The following SMG7 variants were observed in gnomAD, a reference collection of about 807,000 sequenced individuals.
The protein encoded by SMG7 is SMG7 nonsense mediated mRNA decay factor, also known as nonsense-mediated mRNA decay factor SMG7.
In SMG7, 34 loss-of-function variants were observed where a neutral mutation model predicts 148.2. The ratio of observed to expected loss-of-function variants is 0.23; its 90% CI spans 0.17 to 0.31. The LOEUF (loss-of-function observed/expected upper bound fraction) is 0.31, where lower values mean the gene tolerates loss of function less well. Ranked by LOEUF, SMG7 falls within the 10% of genes least tolerant of loss-of-function variation. The pLI is 1.00. For synonymous variants in SMG7, 492 were observed against 515.1 expected (o/e 0.96, Z 0.61); for missense variants, 1,114 against 1,408.4 (o/e 0.79, Z 3.35).
chr1:183,517,842 A>G (rs1265495384), intron 4 of SMG7, 22 bp downstream of exon 4: 2 of 1,612,582 alleles, frequency 1.2e-6, no homozygotes, highest in East Asian at 4.5e-5. Context: ...ATTGTATACC[A>G]GTTTTCTTAC....
At chr1:183,534,148 A>G (rs558475200) in intron 10 of SMG7, among the ~76,000 whole-genome samples, 166 of 152,064 alleles carry the variant, frequency 1.1e-3, no homozygotes, top group African/African-American at 3.8e-3. Context: ...TATCTATTAC[A>G]GTATTCCTTA....
intron 1 of SMG7, among the ~76,000 whole-genome samples, chr1:183,493,272 G>C (rs1174408088): frequency 6.6e-6 from 1 of 152,136 alleles, no homozygotes; most frequent in East Asian, 1.9e-4. Context: ...ACTACACCCG[G>C]CAACCTATGA....
At chr1:183,493,696 C>T (rs1347280784) in intron 1 of SMG7, among the ~76,000 whole-genome samples, 1 of 152,158 alleles carries the variant, frequency 6.6e-6, no homozygotes, top group East Asian at 1.9e-4. Flanking sequence ...ATTCTTGTGC[C>T]TTAACCTCCC....
At chr1:183,516,629 A>T (rs1351263688) in intron 3 of SMG7, among the ~76,000 whole-genome samples, 3 of 152,226 alleles carry the variant, frequency 2.0e-5, no homozygotes, top group Non-Finnish European at 4.4e-5. Context: ...AAATTTAAAA[A>T]TCAATTAAGA....
chr1:183,516,276 AGT>A (rs1187184467), intron 3 of SMG7, among the ~76,000 whole-genome samples: 1 of 152,084 alleles, frequency 6.6e-6, no homozygotes, highest in Non-Finnish European at 1.5e-5. Flanking sequence ...AAATACTAAG[AGT>A]GTTTGGATTG....
chr1:183,490,563 C>T (rs1023127811), intron 1 of SMG7, among the ~76,000 whole-genome samples: 1 of 152,146 alleles, frequency 6.6e-6, no homozygotes, highest in Non-Finnish European at 1.5e-5. Flanking sequence ...GGTAACATTA[C>T]ATTGCCACCG....
intron 4 of SMG7, among the ~76,000 whole-genome samples, chr1:183,521,903 A>G (rs1664858957): frequency 6.6e-6 from 1 of 152,054 alleles, no homozygotes; most frequent in Non-Finnish European, 1.5e-5. Flanking sequence ...TGGAGTTGGA[A>G]AGTAAGCAAA....
At chr1:183,492,234 G>A (rs775125490) in intron 1 of SMG7, among the ~76,000 whole-genome samples, 1 of 152,106 alleles carries the variant, frequency 6.6e-6, no homozygotes, top group Non-Finnish European at 1.5e-5. Context: ...TTTTTTTCTA[G>A]TTTTAAAATT....
At chr1:183,511,090 A>T (rs1662020133) in intron 1 of SMG7, among the ~76,000 whole-genome samples, 1 of 151,950 alleles carries the variant, frequency 6.6e-6, no homozygotes, top group Non-Finnish European at 1.5e-5. Flanking sequence ...TGAGCCCAGG[A>T]GTTGAAGACC....
Position 183,545,073 on chromosome 1 carries a change from G to A in SMG7, c.2131G>A (p.Gly711Arg). The A allele has an allele frequency of 6.2e-7, 1 of 1,614,076 alleles. No individual in the cohort carries two copies. Among genetic ancestry groups the A allele is most frequent in the Non-Finnish European group, 8.5e-7 (1 of 1,180,002 alleles). Residue 711 changes from glycine (G) to arginine (R), a missense_variant, in exon 16 of 23, where the codon GGG (glycine) becomes AGG (arginine). Gly to Arg is a moderately radical substitution (Grantham distance 125, BLOSUM62 -2). Coordinates refer to ENST00000688051, the MANE Select transcript of SMG7 (RefSeq NM_001375584.1). ...HSPAGNQVQAGKQSHIPYSQQ... is the reference protein window; with the variant it reads ...HSPAGNQVQARKQSHIPYSQQ... ...TCCAGCAGGAAACCAGGTGCAAGCT[G>A]GGAAACAGTCCCACATTCCTTACAG... is the stretch of plus-strand genomic sequence containing the variant.
chr1:183,519,780 G>A (rs142129944), intron 4 of SMG7, among the ~76,000 whole-genome samples: 10 of 152,158 alleles, frequency 6.6e-5, no homozygotes, highest in African/African-American at 2.2e-4. Context: ...TAAACATAAT[G>A]TAAGCTTTTC....
intron 1 of SMG7, among the ~76,000 whole-genome samples, chr1:183,502,668 A>T (rs756917011): frequency 6.6e-6 from 1 of 152,118 alleles, no homozygotes; most frequent in African/African-American, 2.4e-5. Flanking sequence ...GTTTTATATG[A>T]GGTCTCTGAA....
Position 183,553,251 on chromosome 1 carries a change from G to C in SMG7, c.*1320G>C. The C allele has an allele frequency of 6.8e-7, 1 of 1,470,598 alleles. No homozygotes were observed. The highest frequency in any genetic ancestry group is 9.1e-7 in the Non-Finnish European group (1 of 1,098,372). 91.1% of individuals were successfully genotyped at this position (1,470,598 alleles called of 1,614,324 possible). ...AGGAAAGAGGACTGAAAATGTTCTT[G>C]TGTAGAAACAGAAGGACAGCATTTC... On this transcript the variant is annotated 3_prime_UTR_variant, in exon 23 of 23. Transcript: ENST00000688051.
rs1341088284 is a variant in SMG7 at position 183,533,313 on chromosome 1, G to A, written c.993G>A (p.Leu331=). 6.2e-7 allele frequency: 1 copy of A among 1,613,444 alleles called. No individual in the cohort carries two copies. The highest frequency in any genetic ancestry group is 1.1e-5 in the South Asian group (1 of 90,952). Residue 331 remains leucine (L), a synonymous_variant, in exon 9 of 23, where the codon TTG becomes TTA. Coordinates refer to ENST00000688051, the MANE Select transcript of SMG7 (RefSeq NM_001375584.1). ...ATGAGCAGCTATGTTGGACACAGTT[G>A]CTGGCCCTCTTTAGTGAGTATTGAA... ...SQDEQLCWTQ[L]LALFMSFLGI...
chr1:183,544,428 C>A lies in SMG7; in HGVS notation c.1918C>A (p.Gln640Lys). 1 of 1,613,950 alleles carries A rather than the reference C, an allele frequency of 6.2e-7. No individual in the cohort carries two copies. Among genetic ancestry groups the A allele is most frequent in the Non-Finnish European group, 8.5e-7 (1 of 1,179,866 alleles). Residue 640 changes from glutamine (Q) to lysine (K), a missense_variant, in exon 15 of 23, where the codon CAA (glutamine) becomes AAA (lysine). Physicochemically the swap from Gln to Lys is moderately conservative, Grantham distance 53. This residue lies in a region of SMG7 where 788 missense variants were observed against 894.5 expected (regional missense o/e 0.88). Transcript: ENST00000688051. ...AACACCTGTAACTCAAACCCCAACT[C>A]AAGCAAGTAACTCCCAGTTCATCCC... ...RKTPVTQTPT[Q>K]ASNSQFIPIH... is the part of the protein sequence containing the mutation.
chr1:183,475,634 G>A (rs2102001510), intron 1 of SMG7, among the ~76,000 whole-genome samples: 1 of 152,280 alleles, frequency 6.6e-6, no homozygotes, highest in South Asian at 2.1e-4. Context: ...TTTTTGTAAG[G>A]TTCTTTTCCT....
rs112044538 is a variant in SMG7, at chr1:183,491,147, T to C, written c.29+18498T>C. Among the ~76,000 whole-genome samples, 325 of 152,336 alleles carry C rather than the reference T, an allele frequency of 2.1e-3. 3 individuals are homozygous for C. The highest frequency in any genetic ancestry group is 7.3e-3 in the African/African-American group (302 of 41,572). ...GCCTCAGGCAATCATTACTCTGATT[T>C]TTTTCAATGTTAAGTTTGTTCGCAT... On this transcript the variant is annotated intron_variant, in intron 1 of 22. Coordinates refer to ENST00000688051, the MANE Select transcript of SMG7 (RefSeq NM_001375584.1).
chr1:183,489,313 G>T (rs1187332754), intron 1 of SMG7, among the ~76,000 whole-genome samples: 1 of 152,056 alleles, frequency 6.6e-6, no homozygotes, highest in Non-Finnish European at 1.5e-5. Flanking sequence ...AGATCTTTCT[G>T]CTTGGGCTGG....
chr1:183,512,788 G>A (rs7539048), intron 1 of SMG7, 49 bp from the exon 2 acceptor site: 108 of 1,479,374 alleles, frequency 7.3e-5, no homozygotes, highest in East Asian at 1.5e-4. Flanking sequence ...GTTAGGCCTC[G>A]TTTGTTTCTA....
Sources: gnomAD v4.1 joint callset for allele counts (sites outside exome capture counted in the v4.1 genomes callset) on GRCh38, gnomAD v4.1.1 for gene constraint, gnomAD v4.1.1 regional missense constraint, MANE v1.5 for transcripts, NCBI Gene and HGNC (gene_info 2026-07-23, HGNC 2026-07-21) for gene names.